The following SPAG16 variants were observed in gnomAD, a reference collection of about 807,000 sequenced individuals.
SPAG16 encodes sperm associated antigen 16, also known as sperm-associated antigen 16 protein.
SPAG16 carries 86 observed loss-of-function variants against 80.4 expected under a neutral mutation model. The ratio of observed to expected loss-of-function variants is 1.07; its 90% CI spans 0.90 to 1.28. SPAG16 has a LOEUF of 1.28. Among genes scored for constraint, SPAG16 ranks in the 50% most tolerant of loss-of-function variants. The probability of loss-of-function intolerance (pLI) is 0.00; values close to 1 mark genes in which losing one functional copy is unlikely to be tolerated. For missense variants in SPAG16, 870 were observed against 765.3 expected (o/e 1.14, Z -1.61); for synonymous variants, 294 against 265.9 (o/e 1.11, Z -1.03).
In SPAG16 at chr2:213,557,798, T is replaced by C. The variant is rs1575965893; in HGVS notation, c.1070+67708T>C. ...ACTTCTTTTTTCAGATTCAACAAAA[T>C]CTGCCTATTGACTTGTTTAATCCTA... On this transcript the variant is annotated intron_variant, in intron 10 of 15. Coordinates refer to ENST00000331683, the MANE Select transcript of SPAG16 (RefSeq NM_024532.5). Among the ~76,000 whole-genome samples, 4 of 152,320 alleles carry C rather than the reference T, an allele frequency of 2.6e-5. No individual in the cohort carries two copies. In the South Asian group the frequency reaches 8.3e-4, roughly 32 times the overall value.
intron 12 of SPAG16, among the ~76,000 whole-genome samples, chr2:213,946,456 C>G (rs947791467): frequency 2.6e-5 from 4 of 152,266 alleles, no homozygotes; most frequent in African/African-American, 7.2e-5. Context: ...ATGATTTAGG[C>G]TAACTGTATT....
intron 15 of SPAG16, among the ~76,000 whole-genome samples, chr2:214,322,800 G>A (rs556053832): frequency 6.6e-6 from 1 of 152,190 alleles, no homozygotes; most frequent in African/African-American, 2.4e-5. Flanking sequence ...AATAAGCTAT[G>A]CCCCCATAAC....
At chr2:213,709,266 A>G (rs1345070527) in intron 10 of SPAG16, among the ~76,000 whole-genome samples, 1 of 152,184 alleles carries the variant, frequency 6.6e-6, no homozygotes, top group Non-Finnish European at 1.5e-5. Context: ...TCTCGTTTGA[A>G]ATATGGATGT....
chr2:213,674,881 A>G (rs4494678), intron 10 of SPAG16, among the ~76,000 whole-genome samples: 55,681 of 143,602 alleles, frequency 0.39, 11,750 homozygotes, highest in African/African-American at 0.51. Context: ...ATGATTTATA[A>G]TCCTTTGGGT....
rs746344454 is a variant in SPAG16, at chr2:213,392,705, G to T, written c.942+17586G>T. ...ACTAAAAATACAAAAACATTAGCCAGGCGTGGTGGCGGGTGCCTGTAATCT... is the reference window on the plus strand; with the variant it reads ...ACTAAAAATACAAAAACATTAGCCATGCGTGGTGGCGGGTGCCTGTAATCT... On this transcript the variant is annotated intron_variant, in intron 9 of 15. Coordinates refer to ENST00000331683, the MANE Select transcript of SPAG16 (RefSeq NM_024532.5). Among the ~76,000 whole-genome samples, 17 of 152,014 alleles carry T rather than the reference G, an allele frequency of 1.1e-4. 1 individual carries two copies. Among genetic ancestry groups the T allele is most frequent in the Non-Finnish European group, 2.4e-4 (16 of 67,998 alleles).
At chr2:214,375,050 G>A (rs1337151680) in intron 15 of SPAG16, among the ~76,000 whole-genome samples, 1 of 152,102 alleles carries the variant, frequency 6.6e-6, no homozygotes, top group East Asian at 1.9e-4. Context: ...TTGAATTTGG[G>A]TCTTGAACAT....
chr2:213,992,865 A>G (rs956363975), intron 12 of SPAG16, among the ~76,000 whole-genome samples: 17 of 152,256 alleles, frequency 1.1e-4, no homozygotes, highest in Non-Finnish European at 5.9e-5. Flanking sequence ...ATAGGCATAT[A>G]AGTCATCCTT....
intron 10 of SPAG16, among the ~76,000 whole-genome samples, chr2:213,768,234 G>GA (rs983752866): frequency 4.2e-4 from 64 of 152,184 alleles, no homozygotes; most frequent in African/African-American, 1.5e-3. Flanking sequence ...GCAGGAGCTA[G>GA]AAAAAAGAGA....
chr2:214,004,065 T>G (rs1225886467), intron 12 of SPAG16, among the ~76,000 whole-genome samples: 1 of 152,094 alleles, frequency 6.6e-6, no homozygotes, highest in Non-Finnish European at 1.5e-5. Context: ...GCACATCAGG[T>G]GACTCAAATT....
chr2:214,005,235 CG>C (rs1482646227), intron 12 of SPAG16, among the ~76,000 whole-genome samples: 4 of 152,100 alleles, frequency 2.6e-5, no homozygotes, highest in African/African-American at 9.7e-5. Context: ...ATATTCTTTG[CG>C]AAAATGTTTC....
chr2:214,254,516 G>C (rs1690539075), intron 15 of SPAG16, among the ~76,000 whole-genome samples: 1 of 151,776 alleles, frequency 6.6e-6, no homozygotes, highest in African/African-American at 2.4e-5. Flanking sequence ...ATTTAGGCGG[G>C]CTGTATATCT....
intron 12 of SPAG16, among the ~76,000 whole-genome samples, chr2:213,945,369 A>G (rs2079402526): frequency 6.6e-6 from 1 of 150,804 alleles, no homozygotes; most frequent in African/African-American, 2.4e-5. Context: ...TTAAATATTA[A>G]CTTACACAAT....
intron 10 of SPAG16, among the ~76,000 whole-genome samples, chr2:213,582,776 AT>A (rs981331406): frequency 6.6e-6 from 1 of 152,086 alleles, no homozygotes; most frequent in African/African-American, 2.4e-5. Context: ...GTCTGCTTGC[AT>A]TTTGGTAGGA....
intron 9 of SPAG16, among the ~76,000 whole-genome samples, chr2:213,445,114 T>C (rs541144067): frequency 6.6e-6 from 1 of 152,152 alleles, no homozygotes; most frequent in Admixed American, 6.5e-5. Context: ...CACAGTAATA[T>C]CACTAAAACA....
chr2:213,566,715 A>T (rs2059781285), intron 10 of SPAG16, among the ~76,000 whole-genome samples: 1 of 152,186 alleles, frequency 6.6e-6, no homozygotes, highest in African/African-American at 2.4e-5. Flanking sequence ...AGCCAAATTA[A>T]ATGGTCCTTC....
chr2:213,402,130 T>C (rs191176206), intron 9 of SPAG16, among the ~76,000 whole-genome samples: 210 of 152,166 alleles, frequency 1.4e-3, no homozygotes, highest in Admixed American at 2.6e-3. Context: ...CATATTATCT[T>C]TTTTTGCCCA....
intron 13 of SPAG16, among the ~76,000 whole-genome samples, chr2:214,084,882 T>C (rs2051616936): frequency 6.6e-6 from 1 of 152,212 alleles, no homozygotes; most frequent in African/African-American, 2.4e-5. Flanking sequence ...AATATCTCTT[T>C]TCAATGAGCT....
At chr2:213,295,380 T>C (rs2062456597) in intron 1 of SPAG16, among the ~76,000 whole-genome samples, 1 of 152,110 alleles carries the variant, frequency 6.6e-6, no homozygotes, top group African/African-American at 2.4e-5. Context: ...AATTATTTTA[T>C]GTTAGAATCA....
intron 15 of SPAG16, among the ~76,000 whole-genome samples, chr2:214,249,822 A>C (rs1173444199): frequency 6.6e-6 from 1 of 152,158 alleles, no homozygotes; most frequent in Non-Finnish European, 1.5e-5. Flanking sequence ...TTTGAGAAAA[A>C]GTAGATTGAA....
Sources: gnomAD v4.1 joint callset for allele counts (sites outside exome capture counted in the v4.1 genomes callset) on GRCh38, gnomAD v4.1.1 for gene constraint, MANE v1.5 for transcripts, NCBI Gene and HGNC (gene_info 2026-07-23, HGNC 2026-07-21) for gene names.